The following ZC3H7A variants were observed in gnomAD, a reference collection of about 807,000 sequenced individuals.
ZC3H7A encodes the protein zinc finger CCCH-type containing 7A, also known as zinc finger CCCH domain-containing protein 7A.
A neutral mutation model predicts 125.5 loss-of-function variants in ZC3H7A; 44 were observed. The ratio of observed to expected loss-of-function variants is 0.35; its 90% confidence interval spans 0.28 to 0.45. ZC3H7A has a LOEUF of 0.45. Among genes scored for constraint, ZC3H7A ranks in the 20% least tolerant of loss-of-function variants. ZC3H7A has a pLI of 1.00. For missense variants in ZC3H7A, 977 were observed against 1,170.7 expected, an observed-to-expected ratio of 0.83 and a Z score of 2.41; for synonymous variants, 399 against 391.2, an observed-to-expected ratio of 1.02 and a Z score of -0.23.
At chr16:11,794,298 C>A (rs115715268) in intron 1 of ZC3H7A, among the ~76,000 whole-genome samples, 2,032 of 152,298 alleles carry the variant, frequency 0.013, 53 homozygotes, top group African/African-American at 0.047. Context: ...CATAAAGCTT[C>A]CCGCTTTCTA....
At chr16:11,794,264 C>T (rs1188079065) in intron 1 of ZC3H7A, among the ~76,000 whole-genome samples, 1 of 152,194 alleles carries the variant, frequency 6.6e-6, no homozygotes, top group Non-Finnish European at 1.5e-5. Flanking sequence ...ATGTCCTGCT[C>T]CAAATTCAGG....
At chr16:11,753,616 C>T (rs1012848799) in intron 21 of ZC3H7A, 1 of 152,002 alleles carries the variant, frequency 6.6e-6, no homozygotes, top group Non-Finnish European at 1.5e-5. Context: ...TCTAAGACTC[C>T]TTATTATGAA....
At chr16:11,761,601 C>T (rs927542324) in intron 18 of ZC3H7A, 90 bp from the exon 19 acceptor site, 144 of 1,348,524 alleles carry the variant, frequency 1.1e-4, no homozygotes, top group Non-Finnish European at 1.4e-4. Flanking sequence ...ACCTGAGGAA[C>T]CAGAGAATTT....
intron 7 of ZC3H7A, among the ~76,000 whole-genome samples, 198 bp downstream of exon 7, chr16:11,776,122 C>A (rs936230390): frequency 6.6e-6 from 1 of 152,056 alleles, no homozygotes; most frequent in Non-Finnish European, 1.5e-5. Context: ...GATCAGGACA[C>A]TGCACTCCAG....
intron 10 of ZC3H7A, among the ~76,000 whole-genome samples, 159 bp from the exon 11 acceptor site, chr16:11,769,254 G>C (rs2141185234): frequency 6.6e-6 from 1 of 152,230 alleles, no homozygotes; most frequent in South Asian, 2.1e-4. Flanking sequence ...GAGGGCTCTA[G>C]AGTCTCTGCT....
At chr16:11,791,951 G>C (rs981578470) in intron 1 of ZC3H7A, among the ~76,000 whole-genome samples, 6 of 152,144 alleles carry the variant, frequency 3.9e-5, no homozygotes, top group African/African-American at 1.4e-4. Context: ...TCCCTGTGTT[G>C]CCCAGGCTGC....
At chr16:11,760,136 A>G (rs1178484155) in intron 19 of ZC3H7A, among the ~76,000 whole-genome samples, 6 of 150,776 alleles carry the variant, frequency 4.0e-5, no homozygotes, top group African/African-American at 1.2e-4. Flanking sequence ...AAAAAAAAAA[A>G]AAAAAAAAAG....
chr16:11,770,932 G>T lies in ZC3H7A; in HGVS notation c.959C>A (p.Pro320His). 1 of 1,613,874 alleles carries T rather than the reference G, an allele frequency of 6.2e-7. No individual in the cohort carries two copies. Among genetic ancestry groups the T allele is most frequent in the Non-Finnish European group, 8.5e-7 (1 of 1,179,864 alleles). ...GGTTCCTAACAGCGATGCCGAAAAG[G>T]GCATGCTAGGAGAGACACTGGCTGT... ...LQTASVSPSM[P>H]FSASLLGTLP... The change falls in exon 10 of 23, where the codon CCC becomes CAC. Residue 320 changes from proline (P) to histidine (H), a missense_variant. Transcript: ENST00000355758.
rs541394637 is a variant in ZC3H7A at position 11,762,822 on chromosome 16, G to A, written c.2003-75C>T. Reference sequence around the variant, plus strand: ...CCCACCAATCTGGGTGCAGTCAGACGTGGAGAACCTTCAGCTTCCAATCTA... The same window carrying A: ...CCCACCAATCTGGGTGCAGTCAGACATGGAGAACCTTCAGCTTCCAATCTA... On this transcript the variant is annotated intron_variant, in intron 16 of 22. Transcript: ENST00000355758. 2.8e-5 allele frequency: 40 copies of A among 1,406,620 alleles called. No individual in the cohort carries two copies. In the African/African-American group the frequency reaches 4.4e-4, roughly 15 times the overall value. 87.1% of individuals were successfully genotyped at this position (1,406,620 alleles called of 1,614,324 possible). A position where few individuals can be genotyped will look rare whatever the true frequency, so the allele number is the denominator to read the frequency against.
At chr16:11,763,246 T>A in intron 16 of ZC3H7A, 1 of 334,674 alleles carries the variant, frequency 3.0e-6, no homozygotes, top group Non-Finnish European at 5.4e-6. Context: ...TAGCTGGTAT[T>A]ACAGGCGCCC....
In ZC3H7A at chr16:11,768,519, A is replaced by AT; in HGVS notation, c.1174-19_1174-18insA. The AT allele has an allele frequency of 1.7e-5, 24 of 1,375,044 alleles. No homozygotes were observed. The highest frequency in any genetic ancestry group is 2.0e-5 in the African/African-American group (1 of 49,300). 85.2% of individuals were successfully genotyped at this position (1,375,044 alleles called of 1,614,324 possible). Reference sequence around the variant, plus strand: ...CCATTCATCTGCAAGAAAAATAAGAAGAAAAAAAAAAAAAACAGCCAACAA... The same window carrying AT: ...CCATTCATCTGCAAGAAAAATAAGAATGAAAAAAAAAAAAAACAGCCAACAA... On this transcript the variant is annotated intron_variant, in intron 11 of 22. Transcript: ENST00000355758.
intron 1 of ZC3H7A, among the ~76,000 whole-genome samples, chr16:11,783,534 T>C (rs995950400): frequency 3.3e-5 from 5 of 152,170 alleles, no homozygotes; most frequent in Admixed American, 6.5e-5. Flanking sequence ...ACTATGCCTG[T>C]AGCCCCTCAC....
In ZC3H7A at chr16:11,765,708, G is replaced by A. The variant is rs772456949; in HGVS notation, c.1523-23C>T. The A allele has an allele frequency of 1.3e-6, 2 of 1,599,010 alleles. No homozygotes were observed. Among genetic ancestry groups the A allele is most frequent in the African/African-American group, 1.3e-5 (1 of 74,420 alleles). On this transcript the variant is annotated intron_variant, in intron 13 of 22. Transcript: ENST00000355758. This position sits in a 1 kb window ranked among gnomAD's most constrained non-coding sequence, Gnocchi z 4.8. Reference sequence around the variant, plus strand: ...CATCTAGAAAGACAGGGAATGGACAGACATTGAAAACATGGCAATTGGCCT... The same window carrying A: ...CATCTAGAAAGACAGGGAATGGACAAACATTGAAAACATGGCAATTGGCCT...
rs1206251747 is a variant in ZC3H7A at position 11,782,298 on chromosome 16, C to T, written c.57G>A (p.Leu19=). 1 of 1,614,092 alleles carries T rather than the reference C, an allele frequency of 6.2e-7. No individual in the cohort carries two copies. The highest frequency in any genetic ancestry group is 8.5e-7 in the Non-Finnish European group (1 of 1,180,038). The stretch of plus-strand genomic sequence containing the variant: ...TCTGAAGCTCTTACTGTATAAACTG[C>T]AGTCCTTCCTTAATGTTCTGCTGCC... The part of the protein sequence containing the change: ...RKRQQNIKEG[L]QFIQSPLSYP... The change falls in exon 2 of 23, where the codon CTG becomes CTA. Residue 19 remains leucine (L), a synonymous_variant. Coordinates refer to ENST00000355758, the MANE Select transcript of ZC3H7A (RefSeq NM_014153.4).
intron 9 of ZC3H7A, among the ~76,000 whole-genome samples, chr16:11,773,013 T>G (rs1461652063): frequency 1.3e-5 from 2 of 151,794 alleles, no homozygotes; most frequent in Non-Finnish European, 2.9e-5. Context: ...TATACAGGGA[T>G]GGACACTAAG....
At chr16:11,784,346 T>A (rs545248343) in intron 1 of ZC3H7A, among the ~76,000 whole-genome samples, 3 of 152,124 alleles carry the variant, frequency 2.0e-5, no homozygotes, top group Admixed American at 1.3e-4. Flanking sequence ...TATATTTTTT[T>A]AATTTATAAA....
intron 20 of ZC3H7A, among the ~76,000 whole-genome samples, chr16:11,756,757 G>C (rs763893340): frequency 9.2e-5 from 14 of 152,288 alleles, no homozygotes; most frequent in Non-Finnish European, 1.8e-4. Flanking sequence ...CTACTTACGT[G>C]GCTTGGGGGA....
At position 11,763,631 on chromosome 16, in the gene ZC3H7A, T is replaced by C. The variant is rs767304617; in HGVS notation, c.1849A>G (p.Thr617Ala). 5 of 1,589,042 alleles carry C rather than the reference T, an allele frequency of 3.1e-6. No individual in the cohort carries two copies. The highest frequency in any genetic ancestry group is 2.3e-5 in the East Asian group (1 of 44,194). ...KCLVHILRET[T>A]VKYSKIRSFH... is the part of the protein sequence containing the mutation. ...GAACGTATTTTGGAGTATTTTACTG[T>C]TGTCTCTCGCAAAATGTGGACAAGG... The change falls in exon 16 of 23, where the codon ACA becomes GCA. Residue 617 changes from threonine (T) to alanine (A), a missense_variant. Physicochemically the swap from Thr to Ala is moderately conservative, Grantham distance 58. Coordinates refer to ENST00000355758, the MANE Select transcript of ZC3H7A (RefSeq NM_014153.4).
chr16:11,779,296 C>T lies in ZC3H7A; in HGVS notation c.176G>A (p.Trp59Ter). The T allele has an allele frequency of 6.2e-7, 1 of 1,614,000 alleles. No individual in the cohort carries two copies. The highest frequency in any genetic ancestry group is 8.5e-7 in the Non-Finnish European group (1 of 1,179,990). The change falls in exon 4 of 23, where the codon TGG becomes TAG. Residue 59 changes from tryptophan to a stop codon, truncating the protein, a stop_gained. Transcript: ENST00000355758. LOFTEE classifies it high-confidence loss of function. ...EGNDVYREHD[W>*]NNSISQYTEA... ...CGTGTACTGGCTTATCGAGTTGTTC[C>T]AATCATGTTCCCGATAAACGTCATT... is the stretch of plus-strand genomic sequence containing the variant.
Sources: gnomAD v4.1 joint callset for allele counts (sites outside exome capture counted in the v4.1 genomes callset) on GRCh38, gnomAD v4.1.1 for gene constraint, Gnocchi (gnomAD v3.1) non-coding constraint, MANE v1.5 for transcripts, NCBI Gene and HGNC (gene_info 2026-07-23, HGNC 2026-07-21) for gene names.